CDK12: variants seen among roughly 807,000 people sequenced by gnomAD.
The protein encoded by CDK12 is cyclin dependent kinase 12, also known as cyclin-dependent kinase 12.
Under a neutral mutation model 133.8 loss-of-function variants are expected in CDK12, and 17 were observed. The observed-to-expected ratio is 0.13, with a 90% CI of 0.09 to 0.19. The LOEUF (loss-of-function observed/expected upper bound fraction) is 0.19. CDK12 is among the 10% of genes least tolerant of loss of function. The pLI, the probability that CDK12 is intolerant of heterozygous loss-of-function variation, is 1.00. For missense variants in CDK12, 1,508 were observed against 1,818.7 expected, an observed-to-expected ratio of 0.83 and a Z score of 3.11; for synonymous variants, 694 against 683.6, an observed-to-expected ratio of 1.02 and a Z score of -0.24.
intron 6 of CDK12, among the ~76,000 whole-genome samples, chr17:39,501,795 C>CT (rs2052733790): frequency 2.6e-5 from 4 of 151,238 alleles, no homozygotes; most frequent in African/African-American, 9.7e-5. Context: ...GTTTATTTGC[C>CT]TATACTGCAT....
At chr17:39,521,096 C>T (rs960938906) in intron 11 of CDK12, among the ~76,000 whole-genome samples, 6 of 151,838 alleles carry the variant, frequency 4.0e-5, no homozygotes, top group South Asian at 2.1e-4. Context: ...CTGCCCACCT[C>T]GGCCTCCCAA....
At chr17:39,552,222 A>G (rs2055983877) in intron 2 of CDK12, among the ~76,000 whole-genome samples, 1 of 152,158 alleles carries the variant, frequency 6.6e-6, no homozygotes, top group African/African-American at 2.4e-5. Context: ...TTTGGAAAGA[A>G]TTTATCTAGG....
chr17:39,478,677 A>G (rs1420827188), intron 2 of CDK12, among the ~76,000 whole-genome samples: 1 of 152,104 alleles, frequency 6.6e-6, no homozygotes, highest in Admixed American at 6.6e-5. Flanking sequence ...CCATTAAACA[A>G]GAAAAGGCAT....
At chr17:39,465,557 G>T (rs1317914379) in intron 1 of CDK12, among the ~76,000 whole-genome samples, 3 of 151,918 alleles carry the variant, frequency 2.0e-5, no homozygotes, top group African/African-American at 7.3e-5. Flanking sequence ...AGCGATCTCG[G>T]TTCACTGCAA....
At chr17:39,565,516 T>A (rs1251749535), downstream of CDK12, among the ~76,000 whole-genome samples, 1 of 150,172 alleles carries the variant, frequency 6.7e-6, no homozygotes, top group Non-Finnish European at 1.5e-5. Flanking sequence ...TCACTGCAAC[T>A]TTTGCCTCCC....
intron 2 of CDK12, among the ~76,000 whole-genome samples, chr17:39,481,634 CTCTCT>C: frequency 2.6e-4 from 1 of 3,908 alleles, no homozygotes; most frequent in African/African-American, 7.5e-4. Context: ...CGCTCGCGCG[CTCTCT>C]CTCTCTCTCT....
At chr17:39,517,680 T>G in intron 10 of CDK12, 124 bp downstream of exon 10, 1 of 629,534 alleles carries the variant, frequency 1.6e-6, no homozygotes, top group South Asian at 1.9e-5. Context: ...AGGAAAACAT[T>G]TTAGTTTCGA....
At chr17:39,473,479 C>T (rs865837970) in intron 2 of CDK12, among the ~76,000 whole-genome samples, 9 of 152,148 alleles carry the variant, frequency 5.9e-5, no homozygotes, top group Middle Eastern at 3.4e-3. Context: ...TGGTGGCTCA[C>T]GCCTGTAATT....
In CDK12 at chr17:39,526,129, A is replaced by G. The variant is rs56027002; in HGVS notation, c.3573A>G (p.Ser1191=). The change falls in exon 13 of 14, where the codon TCA becomes TCG. Residue 1191 remains serine (S), a synonymous_variant. Coordinates refer to ENST00000447079, the MANE Select transcript of CDK12 (RefSeq NM_016507.4). ...CCTCTGCCCCAGTGATCCTGCCTTC[A>G]GCAGAACAGACGACCCTTGAAGCTT... ...EAPSAPVILP[S]AEQTTLEASS... The G allele has an allele frequency of 1.8e-5, 29 of 1,614,102 alleles. No individual in the cohort carries two copies. In the East Asian group the frequency reaches 6.0e-4, roughly 33 times the overall value.
chr17:39,520,925 G>A (rs2054125662), intron 11 of CDK12, among the ~76,000 whole-genome samples: 1 of 151,940 alleles, frequency 6.6e-6, no homozygotes, highest in Admixed American at 6.6e-5. Context: ...TCAGCTCGCC[G>A]CAACCTCTGC....
chr17:39,518,528 C>T lies in CDK12; in HGVS notation c.2963+972C>T, dbSNP rs541227522. Among the ~76,000 whole-genome samples the T allele has an allele frequency of 1.4e-4, 21 of 152,092 alleles. No individual in the cohort carries two copies. In the South Asian group the frequency reaches 4.4e-3, roughly 32 times the overall value. ...TTGTTTTCTTCTTACTTTTTTCCCT[C>T]TCTGTTATTTTATTTTACTTTTTTT... On this transcript the variant is annotated intron_variant, in intron 10 of 13. Coordinates refer to ENST00000447079, the MANE Select transcript of CDK12 (RefSeq NM_016507.4).
chr17:39,514,931 A>G (rs957511643), intron 8 of CDK12, among the ~76,000 whole-genome samples: 1 of 152,126 alleles, frequency 6.6e-6, no homozygotes, highest in African/African-American at 2.4e-5. Flanking sequence ...TTCTGTCACT[A>G]TAATTTCTAT....
chr17:39,506,360 G>A (rs937771891), intron 6 of CDK12, among the ~76,000 whole-genome samples: 7 of 151,620 alleles, frequency 4.6e-5, no homozygotes, highest in Non-Finnish European at 1.0e-4. Context: ...GAATACAGGC[G>A]CATGCCACCA....
chr17:39,487,703 A>AC (rs1444085460), intron 2 of CDK12, among the ~76,000 whole-genome samples: 1 of 137,988 alleles, frequency 7.2e-6, no homozygotes, highest in Non-Finnish European at 1.5e-5. Flanking sequence ...TGCAACCTTG[A>AC]CCTCCCCAGT....
chr17:39,462,973 C>G lies in CDK12; in HGVS notation c.902C>G (p.Ser301Cys). The G allele has an allele frequency of 6.2e-7, 1 of 1,614,182 alleles. No homozygotes were observed. The highest frequency in any genetic ancestry group is 8.5e-7 in the Non-Finnish European group (1 of 1,180,020). The change falls in exon 1 of 14, where the codon TCT becomes TGT. Residue 301 changes from serine to cysteine, a missense_variant. Coordinates refer to ENST00000447079, the MANE Select transcript of CDK12 (RefSeq NM_016507.4). ...SPSPYSRRQR[S>C]VSPYSRRRSS... ...AGCCCCTACAGTAGGCGACAGAGATCTGTCAGTCCCTATAGCAGGAGACGG... is the reference window on the plus strand; with the variant it reads ...AGCCCCTACAGTAGGCGACAGAGATGTGTCAGTCCCTATAGCAGGAGACGG...
At chr17:39,519,874 G>A in intron 10 of CDK12, 82 bp from the exon 11 acceptor site, 2 of 1,545,466 alleles carry the variant, frequency 1.3e-6, no homozygotes, top group Non-Finnish European at 8.9e-7. Flanking sequence ...AATTACAGGT[G>A]TGAGACCCTT....
intron 11 of CDK12, among the ~76,000 whole-genome samples, chr17:39,521,192 G>GC (rs1270354997): frequency 6.6e-6 from 1 of 152,058 alleles, no homozygotes; most frequent in Non-Finnish European, 1.5e-5. Context: ...TGTTGGCCAG[G>GC]CTGGTCTTGA....
In CDK12 at chr17:39,462,110, G is replaced by C. The variant is rs773086017; in HGVS notation, c.39G>C (p.Gly13=). The change falls in exon 1 of 14, where the codon GGG becomes GGC. Residue 13 remains glycine, a synonymous_variant. Coordinates refer to ENST00000447079, the MANE Select transcript of CDK12 (RefSeq NM_016507.4). The stretch of plus-strand genomic sequence containing the variant: ...AGAGACATGGGGGCAAGAAGGACGG[G>C]AGTGGAGGAGCTTCTGGAACTTTGC... The part of the protein sequence containing the change: ...NSERHGGKKD[G]SGGASGTLQP... 6.2e-7 allele frequency: 1 copy of C among 1,614,020 alleles called. No individual in the cohort carries two copies. Among genetic ancestry groups the C allele is most frequent in the African/African-American group, 1.3e-5 (1 of 74,934 alleles).
At chr17:39,537,219 G>A (rs1408690630), downstream of CDK12, among the ~76,000 whole-genome samples, 1 of 152,162 alleles carries the variant, frequency 6.6e-6, no homozygotes, top group Non-Finnish European at 1.5e-5. Flanking sequence ...AACTACAATA[G>A]TGCCTAATGA....
Sources: gnomAD v4.1 joint callset for allele counts (sites outside exome capture counted in the v4.1 genomes callset) on GRCh38, gnomAD v4.1.1 for gene constraint, MANE v1.5 for transcripts, NCBI Gene and HGNC (gene_info 2026-07-23, HGNC 2026-07-21) for gene names.